The following RORA variants were observed in gnomAD, a reference collection of about 807,000 sequenced individuals.
The protein encoded by RORA is RAR related orphan receptor A.
RORA carries 7 observed loss-of-function variants against 69.5 expected under a neutral mutation model. The observed-to-expected ratio is 0.10, with a 90% CI of 0.06 to 0.19. The LOEUF is 0.19. Among genes scored for constraint, RORA ranks in the 10% least tolerant of loss-of-function variants. The probability of loss-of-function intolerance (pLI) is 1.00; values close to 1 mark genes in which losing one functional copy is unlikely to be tolerated. For missense variants in RORA, 457 were observed against 663.0 expected (o/e 0.69, Z 3.41); for synonymous variants, 261 against 240.8 (o/e 1.08, Z -0.78).
At chr15:60,706,032 A>G (rs1567163329) in intron 1 of RORA, among the ~76,000 whole-genome samples, 1 of 152,202 alleles carries the variant, frequency 6.6e-6, no homozygotes, top group Non-Finnish European at 1.5e-5. Context: ...TATAGAAAGC[A>G]CGGTAAAAAG....
chr15:61,226,861 G>GAA lies in RORA; in HGVS notation c.166+2190_166+2191dup, dbSNP rs1454107493. Among the ~76,000 whole-genome samples, 5 of 142,204 alleles carry GAA rather than the reference G, an allele frequency of 3.5e-5. No individual in the cohort carries two copies. Among genetic ancestry groups the GAA allele is most frequent in the Non-Finnish European group, 6.2e-5 (4 of 64,790 alleles). The allele number at this position is 142,204 out of a possible 152,430, so 93.3% of individuals were successfully genotyped here. A position where few individuals can be genotyped will look rare whatever the true frequency, so the allele number is the denominator to read the frequency against. On this transcript the variant is annotated intron_variant, in intron 1 of 10. Transcript: ENST00000335670. This position sits in a 1 kb window ranked among gnomAD's most constrained non-coding sequence, Gnocchi z 4.2. The stretch of plus-strand genomic sequence containing the variant: ...AGGGACAGACAGGGGCTGGTTCAAA[G>GAA]AATGAGTTGGGGTGGGGGCAGAGGG...
At chr15:60,972,515 A>G (rs1893748620) in intron 1 of RORA, among the ~76,000 whole-genome samples, 1 of 152,170 alleles carries the variant, frequency 6.6e-6, no homozygotes, top group East Asian at 1.9e-4. Context: ...CGTTATGAGT[A>G]TGGCTGAGTG....
chr15:60,795,804 T>C (rs1314239594), intron 1 of RORA, among the ~76,000 whole-genome samples: 1 of 152,160 alleles, frequency 6.6e-6, no homozygotes, highest in Admixed American at 6.5e-5. Flanking sequence ...GTGACATGCC[T>C]TGTAGACTGT....
intron 1 of RORA, among the ~76,000 whole-genome samples, chr15:60,792,450 A>C (rs1384376269): frequency 6.6e-6 from 1 of 152,202 alleles, no homozygotes; most frequent in East Asian, 1.9e-4. Flanking sequence ...TTATAGATTC[A>C]AGAAACTCCG....
At chr15:60,728,223 A>T (rs1422686118) in intron 1 of RORA, among the ~76,000 whole-genome samples, 3 of 152,152 alleles carry the variant, frequency 2.0e-5, no homozygotes, top group African/African-American at 7.2e-5. Context: ...CCTTTTTAGA[A>T]TCAGGTCTCA....
chr15:60,753,297 C>T (rs2071753216), intron 1 of RORA, among the ~76,000 whole-genome samples: 1 of 152,264 alleles, frequency 6.6e-6, no homozygotes, highest in African/African-American at 2.4e-5. Context: ...CGTCTTTCAT[C>T]TCTGTTACAG....
At chr15:61,117,124 A>G (rs1024314464) in intron 1 of RORA, among the ~76,000 whole-genome samples, 1 of 148,390 alleles carries the variant, frequency 6.7e-6, no homozygotes, top group African/African-American at 2.5e-5. Context: ...ATGGTGCTAC[A>G]TTTTTTTTCA....
At chr15:61,087,987 C>T (rs946140928) in intron 1 of RORA, among the ~76,000 whole-genome samples, 3 of 152,246 alleles carry the variant, frequency 2.0e-5, no homozygotes, top group East Asian at 1.9e-4. Context: ...CCTAAAGTTC[C>T]AGTCATCTGT....
Position 60,497,483 on chromosome 15 carries a change from A to C in RORA, c.1544T>G (p.Phe515Cys). 6.2e-7 allele frequency: 1 copy of C among 1,614,132 alleles called. No individual in the cohort carries two copies. The change falls in exon 11 of 11, where the codon TTT becomes TGT. Residue 515 changes from phenylalanine to cysteine, a missense_variant. Physicochemically the swap from Phe to Cys is radical, Grantham distance 205. Transcript: ENST00000335670. ...CCCATCAATTTGCATTGCTGGCTCAAATTCTGAAGTGAACAACTCCTTGTA... is the reference window on the plus strand; with the variant it reads ...CCCATCAATTTGCATTGCTGGCTCACATTCTGAAGTGAACAACTCCTTGTA... ...PLYKELFTSE[F>C]EPAMQIDG
intron 1 of RORA, among the ~76,000 whole-genome samples, chr15:60,854,822 C>T (rs1055819481): frequency 3.3e-5 from 5 of 152,146 alleles, no homozygotes; most frequent in African/African-American, 4.8e-5. Context: ...ACATCGAGGA[C>T]GAGGCATGAA....
chr15:60,733,703 G>C (rs1285934452), intron 1 of RORA, among the ~76,000 whole-genome samples: 3 of 152,128 alleles, frequency 2.0e-5, no homozygotes, highest in Non-Finnish European at 4.4e-5. Context: ...GAAGCTGCCT[G>C]AATTTACAAA....
intron 2 of RORA, among the ~76,000 whole-genome samples, chr15:60,535,368 T>C (rs1359567794): frequency 2.0e-5 from 3 of 152,206 alleles, no homozygotes; most frequent in African/African-American, 7.2e-5. Flanking sequence ...TTCAGCCCTA[T>C]TGCCTAAATA....
intron 1 of RORA, among the ~76,000 whole-genome samples, chr15:60,685,540 T>C (rs2070730578): frequency 1.3e-5 from 2 of 152,196 alleles, no homozygotes; most frequent in South Asian, 4.1e-4. Flanking sequence ...AGAAAATCTA[T>C]GCACGAGGCG....
chr15:60,895,241 A>G (rs1891199625), intron 1 of RORA, among the ~76,000 whole-genome samples: 1 of 152,168 alleles, frequency 6.6e-6, no homozygotes, highest in Admixed American at 6.5e-5. Flanking sequence ...GACAATCCAA[A>G]GGTTCCTGAA....
At chr15:60,823,910 G>T (rs1311587625) in intron 1 of RORA, among the ~76,000 whole-genome samples, 1 of 151,966 alleles carries the variant, frequency 6.6e-6, no homozygotes, top group East Asian at 1.9e-4. Context: ...TACATCTTGG[G>T]GGTGGCCAGC....
At chr15:60,649,811 A>C (rs184200170) in intron 2 of RORA, among the ~76,000 whole-genome samples, 87 of 152,284 alleles carry the variant, frequency 5.7e-4, no homozygotes, top group African/African-American at 2.0e-3. Flanking sequence ...GACCCCTCAA[A>C]AAGCAATCGA....
At chr15:60,763,875 C>G (rs1221009242) in intron 1 of RORA, 1 of 152,244 alleles carries the variant, frequency 6.6e-6, no homozygotes, top group Non-Finnish European at 1.5e-5. Flanking sequence ...CCCCCCTCCC[C>G]AAAGGCTCTC....
rs2071587468 is a variant in RORA at position 60,742,492 on chromosome 15, A to G, written c.167-63806T>C. 2.0e-5 allele frequency among the ~76,000 whole-genome samples: 3 copies of G among 152,354 alleles called. No homozygotes were observed. In the South Asian group the frequency reaches 6.2e-4, roughly 32 times the overall value. ...TTACCTCACAGACATCATTTTTGTG[A>G]TGAGAATTCTTAAAATTTCTGATGG... On this transcript the variant is annotated intron_variant, in intron 1 of 10. Coordinates refer to ENST00000335670, the MANE Select transcript of RORA (RefSeq NM_134261.3).
intron 1 of RORA, among the ~76,000 whole-genome samples, chr15:61,082,424 G>C (rs2078558551): frequency 1.3e-5 from 2 of 152,226 alleles, no homozygotes; most frequent in Non-Finnish European, 2.9e-5. Flanking sequence ...GGGAGTTGGA[G>C]ATTGCAGTGA....
Sources: allele counts gnomAD v4.1 joint callset (sites outside exome capture counted in the v4.1 genomes callset), GRCh38; gene constraint gnomAD v4.1.1; non-coding constraint Gnocchi (gnomAD v3.1); transcripts MANE v1.5; gene names NCBI Gene and HGNC (gene_info 2026-07-23, HGNC 2026-07-21).